Variants in TRPM3 observed in about 807,000 individuals in gnomAD.
TRPM3 encodes the protein long transient receptor potential channel 3.
TRPM3 carries 77 observed loss-of-function variants against 181.2 expected under a neutral mutation model. The ratio of observed to expected loss-of-function variants is 0.42; its 90% CI spans 0.35 to 0.51. The LOEUF is 0.51. Among genes scored for constraint, TRPM3 ranks in the 20% least tolerant of loss-of-function variants. The pLI, the probability that TRPM3 is intolerant of heterozygous loss-of-function variation, is 0.01. For missense variants in TRPM3, 1,759 were observed against 2,196.7 expected (o/e 0.80, Z 3.98); for synonymous variants, 745 against 796.4 (o/e 0.94, Z 1.09).
At position 70,535,931 on chromosome 9, in the gene TRPM3, C is replaced by T. The variant is rs200509092; in HGVS notation, c.*22G>A. On this transcript the variant is annotated 3_prime_UTR_variant, in exon 26 of 26. Coordinates refer to ENST00000677713, the MANE Select transcript of TRPM3 (RefSeq NM_001366145.2). ...TTTTAGGGCTGGATTCTTGAGCCTT[C>T]TGTGGCGGATATTAAGAAGGTTTAG... The T allele has an allele frequency of 2.5e-4, 393 of 1,551,220 alleles. No homozygotes were observed. Among genetic ancestry groups the T allele is most frequent in the Non-Finnish European group, 3.3e-4 (376 of 1,151,634 alleles).
chr9:71,171,330 C>T (rs969881956), intron 1 of TRPM3, among the ~76,000 whole-genome samples: 2 of 152,152 alleles, frequency 1.3e-5, no homozygotes, highest in Non-Finnish European at 2.9e-5. Flanking sequence ...GTCACCCACA[C>T]CTATTCGCAC....
intron 20 of TRPM3, among the ~76,000 whole-genome samples, chr9:70,601,520 A>G (rs914753863): frequency 3.3e-5 from 5 of 151,794 alleles, no homozygotes; most frequent in South Asian, 2.1e-4. Flanking sequence ...TCGTCAAGCA[A>G]CTCTTCAGTG....
chr9:70,589,436 A>C (rs1252774123), intron 22 of TRPM3, among the ~76,000 whole-genome samples: 4 of 152,164 alleles, frequency 2.6e-5, no homozygotes, highest in Non-Finnish European at 4.4e-5. Flanking sequence ...CTCATTTTGG[A>C]GCAGAAAGGA....
At chr9:71,114,379 C>A (rs1323312313) in intron 1 of TRPM3, among the ~76,000 whole-genome samples, 1 of 152,116 alleles carries the variant, frequency 6.6e-6, no homozygotes, top group Non-Finnish European at 1.5e-5. Context: ...CTGAACCACC[C>A]CACCCCAGCA....
In TRPM3 at chr9:71,083,827, C is replaced by A. The variant is rs534304938; in HGVS notation, c.177+37351G>T. The stretch of plus-strand genomic sequence containing the variant: ...TCTCATGGCAACCTTAAGAAACTGG[C>A]AGCCTGTATATATATGCAGTGTGTA... On this transcript the variant is annotated intron_variant, in intron 1 of 25. Coordinates refer to ENST00000677713, the MANE Select transcript of TRPM3 (RefSeq NM_001366145.2). Among the ~76,000 whole-genome samples the A allele has an allele frequency of 1.9e-4, 29 of 151,604 alleles. 1 individual carries two copies. Among genetic ancestry groups the A allele is most frequent in the Non-Finnish European group, 3.4e-4 (23 of 67,896 alleles).
At chr9:70,662,053 G>A (rs1363281979) in intron 9 of TRPM3, among the ~76,000 whole-genome samples, 1 of 152,058 alleles carries the variant, frequency 6.6e-6, no homozygotes. Context: ...AAAACCGCGG[G>A]GTACTGGTAT....
intron 22 of TRPM3, among the ~76,000 whole-genome samples, chr9:70,576,783 G>C (rs1472426923): frequency 6.6e-6 from 1 of 152,030 alleles, no homozygotes; most frequent in Non-Finnish European, 1.5e-5. Context: ...AAAGTGCTGG[G>C]ATTACAGGCG....
intron 1 of TRPM3, among the ~76,000 whole-genome samples, chr9:70,875,491 C>T (rs1407227172): frequency 3.3e-5 from 5 of 151,914 alleles, no homozygotes; most frequent in Admixed American, 3.3e-4. Context: ...AAATAATTCT[C>T]ACCAGACTCC....
chr9:70,578,098 TA>T (rs1277744482), intron 22 of TRPM3, among the ~76,000 whole-genome samples: 3 of 152,190 alleles, frequency 2.0e-5, no homozygotes, highest in African/African-American at 7.2e-5. Flanking sequence ...AGTGAATGTT[TA>T]AAACTGTTTT....
chr9:70,764,609 T>C (rs370867304), intron 7 of TRPM3, among the ~76,000 whole-genome samples: 4 of 152,282 alleles, frequency 2.6e-5, no homozygotes, highest in African/African-American at 7.2e-5. Flanking sequence ...AATTTCCCAG[T>C]TGCTGAAGTT....
chr9:70,858,929 G>A (rs2095454436), intron 3 of TRPM3, among the ~76,000 whole-genome samples: 2 of 152,166 alleles, frequency 1.3e-5, no homozygotes, highest in Non-Finnish European at 2.9e-5. Flanking sequence ...CCAGGATGGG[G>A]AAGGTCAGGG....
intron 1 of TRPM3, among the ~76,000 whole-genome samples, chr9:71,055,293 CTT>C (rs1316517561): frequency 6.6e-6 from 1 of 151,942 alleles, no homozygotes; most frequent in Non-Finnish European, 1.5e-5. Flanking sequence ...TTAGTAGAAA[CTT>C]AAAGATAGTG....
intron 1 of TRPM3, among the ~76,000 whole-genome samples, chr9:70,979,888 AG>A (rs1375077014): frequency 6.6e-6 from 1 of 151,972 alleles, no homozygotes; most frequent in Non-Finnish European, 1.5e-5. Context: ...GGGGAGAGGA[AG>A]GGGTAGGGAC....
chr9:70,549,569 T>C lies in TRPM3; in HGVS notation c.3680A>G (p.Asp1227Gly), dbSNP rs921276746. The C allele has an allele frequency of 6.2e-7, 1 of 1,613,680 alleles. No individual in the cohort carries two copies. The highest frequency in any genetic ancestry group is 1.3e-5 in the African/African-American group (1 of 74,864). The part of the protein sequence containing the change: ...EKDDRFNSSN[D>G]ERIRVTSERV... ...TTCTGAAGTCACCCGTATCCTCTCATCATTAGATGAGTTGAACCGATCATC... is the reference window on the plus strand; with the variant it reads ...TTCTGAAGTCACCCGTATCCTCTCACCATTAGATGAGTTGAACCGATCATC... Residue 1227 changes from aspartate to glycine, a missense_variant, in exon 25 of 26, where the codon GAT becomes GGT. Transcript: ENST00000677713.
At chr9:71,001,247 C>T (rs1281758328) in intron 1 of TRPM3, among the ~76,000 whole-genome samples, 1 of 152,150 alleles carries the variant, frequency 6.6e-6, no homozygotes, top group Admixed American at 6.5e-5. Context: ...TCTGCCCAAC[C>T]GTAAGCCCAC....
chr9:70,852,318 G>A lies in TRPM3; in HGVS notation c.463-5727C>T, dbSNP rs545896744. ...ATGTTGGTTTCACCCACGTTTTACC[G>A]ATGGGAACAGAAAGAATCCATCATG... On this transcript the variant is annotated intron_variant, in intron 3 of 25. Transcript: ENST00000677713. Among the ~76,000 whole-genome samples the A allele has an allele frequency of 3.9e-4, 59 of 151,908 alleles. No individual in the cohort carries two copies. In the South Asian group the frequency reaches 0.01, roughly 27 times the overall value.
chr9:71,268,652 G>A (rs752380574), intron 1 of TRPM3, among the ~76,000 whole-genome samples: 41 of 151,780 alleles, frequency 2.7e-4, no homozygotes, highest in Non-Finnish European at 2.5e-4. Flanking sequence ...TGGTGAAACC[G>A]TTTCTAGAAA....
At chr9:71,083,764 A>C (rs748743187) in intron 1 of TRPM3, among the ~76,000 whole-genome samples, 6 of 149,920 alleles carry the variant, frequency 4.0e-5, no homozygotes, top group Non-Finnish European at 5.9e-5. Flanking sequence ...TATGTATGCT[A>C]ATGTTGTGCC....
intron 8 of TRPM3, among the ~76,000 whole-genome samples, chr9:70,683,428 CTTTTTTTTTTTTTT>C (rs575176948): frequency 5.2e-5 from 3 of 57,458 alleles, no homozygotes; most frequent in South Asian, 8.3e-4. Context: ...TCTCTCTCTC[CTTTTTTTTTTTTTT>C]TTTTTTTTTT....
Sources: gnomAD v4.1 joint callset for allele counts (sites outside exome capture counted in the v4.1 genomes callset) on GRCh38, gnomAD v4.1.1 for gene constraint, MANE v1.5 for transcripts, NCBI Gene and HGNC (gene_info 2026-07-23, HGNC 2026-07-21) for gene names.